The following INPP4B variants were observed in gnomAD, a reference collection of about 807,000 sequenced individuals.
The protein encoded by INPP4B is inositol polyphosphate-4-phosphatase type II B.
INPP4B carries 55 observed loss-of-function variants against 122.5 expected under a neutral mutation model. The ratio of observed to expected loss-of-function variants is 0.45; its 90% CI spans 0.36 to 0.56. INPP4B has a LOEUF of 0.56. Ranked by LOEUF, INPP4B falls within the 20% of genes least tolerant of loss-of-function variation. The probability of loss-of-function intolerance (pLI) is 0.00; values close to 1 mark genes in which losing one functional copy is unlikely to be tolerated. For missense variants in INPP4B, 1,000 were observed against 1,097.7 expected, an observed-to-expected ratio of 0.91 and a Z score of 1.26; for synonymous variants, 403 against 388.7, an observed-to-expected ratio of 1.04 and a Z score of -0.43.
intron 1 of INPP4B, among the ~76,000 whole-genome samples, chr4:142,837,061 G>A (rs1355307522): frequency 2.6e-5 from 4 of 151,824 alleles, no homozygotes; most frequent in Non-Finnish European, 5.9e-5. Flanking sequence ...AGCTACTTGG[G>A]AGGAGAATCA....
At chr4:142,053,356 G>T (rs752538349) in intron 25 of INPP4B, among the ~76,000 whole-genome samples, 2 of 152,104 alleles carry the variant, frequency 1.3e-5, no homozygotes. Context: ...AGAAGGCAAT[G>T]AGGAGAGAGA....
chr4:142,248,504 A>AT (rs1402131806), intron 11 of INPP4B, among the ~76,000 whole-genome samples: 2 of 151,456 alleles, frequency 1.3e-5, no homozygotes, highest in Non-Finnish European at 2.9e-5. Flanking sequence ...CACCCAGCTA[A>AT]TTTTTTGTAT....
chr4:142,407,294 A>G (rs184508063), intron 5 of INPP4B, among the ~76,000 whole-genome samples: 52 of 152,288 alleles, frequency 3.4e-4, no homozygotes, highest in Admixed American at 8.5e-4. Flanking sequence ...TGTGTTTCAA[A>G]TACAGGCATC....
intron 23 of INPP4B, among the ~76,000 whole-genome samples, chr4:142,106,116 C>T (rs1260651130): frequency 6.6e-6 from 1 of 152,018 alleles, no homozygotes; most frequent in Non-Finnish European, 1.5e-5. Flanking sequence ...ATACAGGAAA[C>T]AAAATATCAG....
intron 2 of INPP4B, among the ~76,000 whole-genome samples, chr4:142,629,587 G>A (rs2150414617): frequency 6.6e-6 from 1 of 152,060 alleles, no homozygotes; most frequent in African/African-American, 2.4e-5. Context: ...ACAATATTTA[G>A]GCAATGCTAG....
chr4:142,311,566 G>A (rs576413136), intron 8 of INPP4B, among the ~76,000 whole-genome samples: 15 of 152,256 alleles, frequency 9.9e-5, no homozygotes, highest in Admixed American at 9.2e-4. Flanking sequence ...AGGAATATTA[G>A]AAATAGAGAC....
At chr4:142,471,775 C>T (rs1818881783) in intron 2 of INPP4B, among the ~76,000 whole-genome samples, 1 of 136,386 alleles carries the variant, frequency 7.3e-6, no homozygotes, top group African/African-American at 2.6e-5. Context: ...GCAATCCAAG[C>T]CTGAGCACCC....
chr4:142,230,325 G>C (rs1383367181), intron 12 of INPP4B, among the ~76,000 whole-genome samples: 5 of 152,066 alleles, frequency 3.3e-5, no homozygotes, highest in African/African-American at 1.2e-4. Context: ...CCACAGCGAG[G>C]CTCATGAAGA....
intron 10 of INPP4B, among the ~76,000 whole-genome samples, chr4:142,266,484 T>C (rs1216338052): frequency 6.6e-6 from 1 of 152,148 alleles, no homozygotes; most frequent in African/African-American, 2.4e-5. Context: ...TTTTGTAAAG[T>C]TAATAATTTG....
intron 21 of INPP4B, among the ~76,000 whole-genome samples, chr4:142,120,914 G>A (rs1364986467): frequency 1.3e-5 from 2 of 152,056 alleles, no homozygotes; most frequent in Non-Finnish European, 2.9e-5. Flanking sequence ...GAGAGAGGGT[G>A]TGCTAAGCTG....
rs569024132 is a variant in INPP4B at position 142,306,088 on chromosome 4, C to T, written c.424-551G>A. ...TTTACTAGCATGGGACAATTTCATT[C>T]TAATACACGAAAGAAAATGGCACTT... On this transcript the variant is annotated intron_variant, in intron 8 of 25. Transcript: ENST00000262992. 37 of 239,526 alleles carry T rather than the reference C, an allele frequency of 1.5e-4. 1 individual carries two copies. The Admixed American group carries it at 1.6e-3, about 11-fold the overall frequency. The allele number at this position is 239,526 out of a possible 1,614,324, so 14.8% of individuals were successfully genotyped here. A position where few individuals can be genotyped will look rare whatever the true frequency, so the allele number is the denominator to read the frequency against.
chr4:142,712,666 A>T (rs768810003), intron 2 of INPP4B, among the ~76,000 whole-genome samples: 1 of 152,198 alleles, frequency 6.6e-6, no homozygotes, highest in African/African-American at 2.4e-5. Flanking sequence ...TTTATTCACT[A>T]CTATAGCATT....
intron 1 of INPP4B, among the ~76,000 whole-genome samples, chr4:142,770,569 C>A (rs1304585859): frequency 6.6e-6 from 1 of 151,998 alleles, no homozygotes; most frequent in Non-Finnish European, 1.5e-5. Context: ...TAGGCAAGTA[C>A]CTTAGGTCAG....
intron 7 of INPP4B, among the ~76,000 whole-genome samples, chr4:142,338,168 T>C (rs1187498684): frequency 6.6e-6 from 1 of 152,156 alleles, no homozygotes; most frequent in Non-Finnish European, 1.5e-5. Context: ...TGTAACAAAT[T>C]GACTTTAAAA....
At chr4:142,068,134 C>T (rs1383712379) in intron 25 of INPP4B, among the ~76,000 whole-genome samples, 1 of 152,172 alleles carries the variant, frequency 6.6e-6, no homozygotes, top group Admixed American at 6.5e-5. Flanking sequence ...GCGGATCTCT[C>T]AGCAGAAACT....
chr4:142,539,372 T>A (rs527284497), intron 2 of INPP4B, among the ~76,000 whole-genome samples: 1 of 151,964 alleles, frequency 6.6e-6, no homozygotes, highest in African/African-American at 2.4e-5. Flanking sequence ...AACCAACCCA[T>A]CAATTAGGTT....
intron 2 of INPP4B, among the ~76,000 whole-genome samples, chr4:142,716,340 C>T (rs948172316): frequency 2.6e-5 from 4 of 152,184 alleles, no homozygotes; most frequent in Admixed American, 2.6e-4. Context: ...AATTAGCAAG[C>T]TATAGGCTTC....
chr4:142,691,032 T>A (rs972278865), intron 2 of INPP4B, among the ~76,000 whole-genome samples: 1 of 152,158 alleles, frequency 6.6e-6, no homozygotes, highest in African/African-American at 2.4e-5. Context: ...GATGACCAGC[T>A]GACCTGCAGA....
intron 1 of INPP4B, among the ~76,000 whole-genome samples, chr4:142,731,089 C>T (rs749290834): frequency 2.0e-5 from 3 of 152,054 alleles, no homozygotes; most frequent in African/African-American, 4.8e-5. Flanking sequence ...AGGTATTAAG[C>T]CCCACATGCA....
Sources: gnomAD v4.1 joint callset for allele counts (sites outside exome capture counted in the v4.1 genomes callset) on GRCh38, gnomAD v4.1.1 for gene constraint, MANE v1.5 for transcripts, NCBI Gene and HGNC (gene_info 2026-07-23, HGNC 2026-07-21) for gene names.